Variants in LRRC8D observed in about 807,000 individuals in gnomAD.
LRRC8D encodes leucine rich repeat containing 8 VRAC subunit D.
Under a neutral mutation model 55.8 loss-of-function variants are expected in LRRC8D, and 20 were observed. The ratio of observed to expected loss-of-function variants is 0.36; its 90% CI spans 0.25 to 0.52. The LOEUF is 0.52. LRRC8D is among the 20% of genes least tolerant of loss of function. The pLI is 0.93. For missense variants in LRRC8D, 651 were observed against 1,030.8 expected (o/e 0.63, Z 5.05); for synonymous variants, 352 against 377.0 (o/e 0.93, Z 0.77).
intron 2 of LRRC8D, among the ~76,000 whole-genome samples, chr1:89,870,767 T>G (rs76072708): frequency 0.011 from 1,746 of 152,220 alleles, 40 homozygotes; most frequent in African/African-American, 0.04. Context: ...TGCTTCAAGA[T>G]AGAACTTTAA....
At position 89,935,635 on chromosome 1, in the gene LRRC8D, A is replaced by G; in HGVS notation, c.2567A>G (p.Asn856Ser). 7 of 1,613,562 alleles carry G rather than the reference A, an allele frequency of 4.3e-6. No individual in the cohort carries two copies. The highest frequency in any genetic ancestry group is 2.5e-6 in the Non-Finnish European group (3 of 1,179,712). ...LNQDINIPFA[N>S]GI ...CAAGACATAAATATTCCCTTTGCAA[A>G]TGGGATTTAAACTAAGATAATATAT... The change falls in exon 3 of 3, where the codon AAT (asparagine) becomes AGT (serine). Residue 856 changes from asparagine (N) to serine (S), a missense_variant. Coordinates refer to ENST00000337338, the MANE Select transcript of LRRC8D (RefSeq NM_001134479.2).
chr1:89,841,404 C>A (rs1480054378), intron 1 of LRRC8D, among the ~76,000 whole-genome samples: 2 of 151,440 alleles, frequency 1.3e-5, no homozygotes, highest in Non-Finnish European at 3.0e-5. Flanking sequence ...CCACCCCCCC[C>A]CTTTTTTTTG....
At chr1:89,919,722 T>C (rs556699827) in intron 2 of LRRC8D, among the ~76,000 whole-genome samples, 59 of 152,346 alleles carry the variant, frequency 3.9e-4, no homozygotes, top group African/African-American at 1.4e-3. Context: ...GCTGCCAGAC[T>C]GTTTTAGGGA....
chr1:89,859,243 C>G (rs916517121), intron 2 of LRRC8D, among the ~76,000 whole-genome samples: 3 of 150,304 alleles, frequency 2.0e-5, no homozygotes, highest in Non-Finnish European at 4.4e-5. Flanking sequence ...AATAGCAAAG[C>G]TAGGTAATTT....
chr1:89,912,351 C>G (rs531389053), intron 2 of LRRC8D, among the ~76,000 whole-genome samples: 12 of 152,152 alleles, frequency 7.9e-5, no homozygotes, highest in Non-Finnish European at 1.8e-4. Context: ...ATTGAACTTT[C>G]CCTGAGTTGT....
intron 2 of LRRC8D, among the ~76,000 whole-genome samples, chr1:89,918,177 C>G (rs760809020): frequency 1.1e-4 from 16 of 152,180 alleles, no homozygotes; most frequent in Non-Finnish European, 2.2e-4. Context: ...CATCTGGGTT[C>G]CATGGCTCAT....
chr1:89,825,775 G>C (rs1272431937), intron 1 of LRRC8D, among the ~76,000 whole-genome samples: 1 of 152,226 alleles, frequency 6.6e-6, no homozygotes, highest in Non-Finnish European at 1.5e-5. Context: ...GAAGCTGGCA[G>C]GTAAGAAATC....
In LRRC8D at chr1:89,933,116, T is replaced by C. The variant is rs1427895618; in HGVS notation, c.48T>C (p.Thr16=). The C allele has an allele frequency of 3.1e-6, 5 of 1,613,208 alleles. No homozygotes were observed. Among genetic ancestry groups the C allele is most frequent in the Non-Finnish European group, 4.2e-6 (5 of 1,179,266 alleles). The stretch of plus-strand genomic sequence containing the variant: ...CATCACTTAATGACATTCAGCCAAC[T>C]TACCGAATCCTGAAACCATGGTGGG... The part of the protein sequence containing the change: ...EVASLNDIQP[T]YRILKPWWDV... The change falls in exon 3 of 3, where the codon ACT becomes ACC. Residue 16 remains threonine (T), a synonymous_variant. Coordinates refer to ENST00000337338, the MANE Select transcript of LRRC8D (RefSeq NM_001134479.2). This position sits in a 1 kb window ranked among gnomAD's most constrained non-coding sequence, Gnocchi z 7.0.
At chr1:89,824,960 G>A (rs1169592749) in intron 1 of LRRC8D, among the ~76,000 whole-genome samples, 2 of 152,100 alleles carry the variant, frequency 1.3e-5, no homozygotes, top group African/African-American at 4.8e-5. Flanking sequence ...ATCATGTTTT[G>A]GATAGTCAAA....
intron 2 of LRRC8D, among the ~76,000 whole-genome samples, chr1:89,848,045 A>G (rs1483492058): frequency 6.6e-6 from 1 of 152,216 alleles, no homozygotes; most frequent in Non-Finnish European, 1.5e-5. Flanking sequence ...CCATCAGATT[A>G]TAAAGATTCC....
intron 2 of LRRC8D, among the ~76,000 whole-genome samples, chr1:89,904,881 A>G (rs907850390): frequency 6.6e-6 from 1 of 152,144 alleles, no homozygotes; most frequent in African/African-American, 2.4e-5. Flanking sequence ...GGATGAATTA[A>G]AATGTTGACC....
Position 89,913,050 on chromosome 1 carries a change from G to A in LRRC8D, c.-2-20017G>A, listed in dbSNP as rs75417407. 5.8e-3 allele frequency among the ~76,000 whole-genome samples: 889 copies of A among 152,338 alleles called. 15 individuals are homozygous for A. The highest frequency in any genetic ancestry group is 0.036 in the East Asian group (189 of 5,184). ...AGGATAGCACTCCTGTGCTACACAC[G>A]TGATTTCTAAGGTTGTCCTGCTGTC... On this transcript the variant is annotated intron_variant, in intron 2 of 2. Transcript: ENST00000337338.
chr1:89,862,177 A>G (rs1661735525), intron 2 of LRRC8D, among the ~76,000 whole-genome samples: 1 of 152,198 alleles, frequency 6.6e-6, no homozygotes, highest in African/African-American at 2.4e-5. Flanking sequence ...TATTAATAAT[A>G]AAATGGAGAT....
chr1:89,857,100 G>A (rs567152447), intron 2 of LRRC8D, among the ~76,000 whole-genome samples: 3 of 152,080 alleles, frequency 2.0e-5, no homozygotes, highest in African/African-American at 4.8e-5. Context: ...AGTAATTATC[G>A]GGGTCAGGCA....
At chr1:89,878,919 G>T (rs1157247674) in intron 2 of LRRC8D, among the ~76,000 whole-genome samples, 2 of 149,650 alleles carry the variant, frequency 1.3e-5, no homozygotes, top group African/African-American at 4.9e-5. Flanking sequence ...GTGAGCTGAG[G>T]TCGCACCACT....
intron 2 of LRRC8D, among the ~76,000 whole-genome samples, chr1:89,887,600 C>G (rs1359345133): frequency 2.0e-5 from 3 of 152,196 alleles, no homozygotes; most frequent in African/African-American, 7.2e-5. Flanking sequence ...TTATCTTTCC[C>G]TGATGTGTAC....
At position 89,935,167 on chromosome 1, in the gene LRRC8D, C is replaced by T. The variant is rs1052405671; in HGVS notation, c.2099C>T (p.Pro700Leu). The T allele has an allele frequency of 2.5e-6, 4 of 1,614,100 alleles. No individual in the cohort carries two copies. Among genetic ancestry groups the T allele is most frequent in the East Asian group, 2.2e-5 (1 of 44,886 alleles). Residue 700 changes from proline to leucine, a missense_variant, in exon 3 of 3, where the codon CCC (proline) becomes CTC (leucine). Transcript: ENST00000337338. Reference sequence around the variant, plus strand: ...CATAACAAAATTGTTACTATTCCTCCCTCTATTACCCATGTCAAAAACTTG... The same window carrying T: ...CATAACAAAATTGTTACTATTCCTCTCTCTATTACCCATGTCAAAAACTTG... ...LWHNKIVTIP[P>L]SITHVKNLES...
intron 2 of LRRC8D, among the ~76,000 whole-genome samples, chr1:89,871,932 C>G (rs979476645): frequency 6.6e-6 from 1 of 152,158 alleles, no homozygotes; most frequent in Non-Finnish European, 1.5e-5. Flanking sequence ...TATTTGTCCA[C>G]TTTTACTTTT....
At chr1:89,827,240 C>G (rs902901214) in intron 1 of LRRC8D, among the ~76,000 whole-genome samples, 3 of 151,614 alleles carry the variant, frequency 2.0e-5, no homozygotes, top group African/African-American at 7.3e-5. Context: ...ATCCCAGCTA[C>G]TCGGGAAGTT....
Sources: gnomAD v4.1 joint callset for allele counts (sites outside exome capture counted in the v4.1 genomes callset) on GRCh38, gnomAD v4.1.1 for gene constraint, Gnocchi (gnomAD v3.1) non-coding constraint, MANE v1.5 for transcripts, NCBI Gene and HGNC (gene_info 2026-07-23, HGNC 2026-07-21) for gene names.